LMNTD1: variants seen among roughly 807,000 people sequenced by gnomAD.
LMNTD1 encodes lamin tail domain containing 1.
Under a neutral mutation model 50.9 loss-of-function variants are expected in LMNTD1, and 35 were observed. That is an observed-to-expected ratio of 0.69 (90% CI 0.53 to 0.91). LMNTD1 has a LOEUF of 0.91. Ranked by LOEUF, LMNTD1 falls within the 40% of genes least tolerant of loss-of-function variation. The probability of loss-of-function intolerance (pLI) is 0.00; values close to 1 mark genes in which losing one functional copy is unlikely to be tolerated. For synonymous variants in LMNTD1, 153 were observed against 161.9 expected (o/e 0.94, Z 0.42); for missense variants, 470 against 475.5 (o/e 0.99, Z 0.11).
chr12:25,494,161 A>ACT (rs1375721808), intron 9 of LMNTD1, among the ~76,000 whole-genome samples: 2 of 152,002 alleles, frequency 1.3e-5, no homozygotes, highest in African/African-American at 4.8e-5. Context: ...TTCTGTCTGA[A>ACT]CTCTATTCAT....
intron 1 of LMNTD1, among the ~76,000 whole-genome samples, chr12:25,615,877 CT>C (rs1946343153): frequency 6.6e-6 from 1 of 152,068 alleles, no homozygotes; most frequent in Admixed American, 6.6e-5. Context: ...ATAAATTATT[CT>C]TTATTTCAGT....
intron 1 of LMNTD1, among the ~76,000 whole-genome samples, chr12:25,592,215 G>A (rs923114120): frequency 1.3e-5 from 2 of 152,184 alleles, no homozygotes; most frequent in Admixed American, 1.3e-4. Context: ...GTGGACAGGA[G>A]GCAGAACTAG....
In LMNTD1 at chr12:25,498,664, G is replaced by T. The variant is rs536368473; in HGVS notation, c.*22+5074C>A. Among the ~76,000 whole-genome samples the T allele has an allele frequency of 2.7e-4, 41 of 152,266 alleles. 2 individuals carry two copies. The East Asian group carries it at 4.8e-3, about 18-fold the overall frequency. ...TGTGCTGGTTTTGCTTTTGACCAATGTTTTTTTCTCAACTGCTTAGAAAAC... is the reference window on the plus strand; with the variant it reads ...TGTGCTGGTTTTGCTTTTGACCAATTTTTTTTTCTCAACTGCTTAGAAAAC... On this transcript the variant is annotated intron_variant, in intron 9 of 9. Coordinates refer to ENST00000458174, the MANE Select transcript of LMNTD1 (RefSeq NM_001145728.2).
At chr12:25,554,249 T>C (rs1382907774), upstream of LMNTD1, among the ~76,000 whole-genome samples, 1 of 152,258 alleles carries the variant, frequency 6.6e-6, no homozygotes, top group Non-Finnish European at 1.5e-5. Flanking sequence ...CCAGTCTCCC[T>C]ACCTGTACCA....
chr12:25,621,860 C>T (rs967776099), intron 1 of LMNTD1, among the ~76,000 whole-genome samples: 4 of 152,102 alleles, frequency 2.6e-5, no homozygotes, highest in African/African-American at 9.7e-5. Flanking sequence ...CGCTTTTATG[C>T]TGAATGAGAT....
intron 1 of LMNTD1, among the ~76,000 whole-genome samples, chr12:25,612,877 T>G (rs907053421): frequency 6.6e-6 from 1 of 152,124 alleles, no homozygotes; most frequent in Non-Finnish European, 1.5e-5. Flanking sequence ...GATCTTGAGG[T>G]AAGGTGATCT....
chr12:25,619,252 C>CTCTCTCTCTCTATATATA (rs1374134268), intron 1 of LMNTD1, among the ~76,000 whole-genome samples: 22 of 84,434 alleles, frequency 2.6e-4, no homozygotes, highest in African/African-American at 1.1e-3. Context: ...CTCTCTCTCT[C>CTCTCTCTCTCTATATATA]TATATATATA....
At chr12:25,522,525 C>A (rs1048247688) in intron 6 of LMNTD1, among the ~76,000 whole-genome samples, 15 of 152,130 alleles carry the variant, frequency 9.9e-5, no homozygotes, top group Non-Finnish European at 2.9e-5. Flanking sequence ...CATTACTTAT[C>A]ATGTGACCTT....
chr12:25,574,649 C>A (rs377560825), intron 1 of LMNTD1, among the ~76,000 whole-genome samples: 4 of 152,274 alleles, frequency 2.6e-5, no homozygotes, highest in East Asian at 3.9e-4. Context: ...GGCACACTTG[C>A]TATTCCGTCC....
chr12:25,618,925 A>T (rs1946403731), intron 1 of LMNTD1, among the ~76,000 whole-genome samples: 1 of 152,180 alleles, frequency 6.6e-6, no homozygotes, highest in African/African-American at 2.4e-5. Context: ...GAATGAGTGA[A>T]ATTCATCAAC....
At chr12:25,584,539 C>T (rs936115285) in intron 1 of LMNTD1, among the ~76,000 whole-genome samples, 8 of 152,190 alleles carry the variant, frequency 5.3e-5, no homozygotes, top group Non-Finnish European at 1.0e-4. Flanking sequence ...TATGCAGAAT[C>T]CAGGTTGCCA....
Position 25,519,038 on chromosome 12 carries a change from A to G in LMNTD1, c.1017-71T>C, listed in dbSNP as rs536139857. 1.1e-4 allele frequency: 155 copies of G among 1,393,324 alleles called. 1 individual carries two copies. The Middle Eastern group carries it at 1.6e-3, about 15-fold the overall frequency. 86.3% of individuals were successfully genotyped at this position (1,393,324 alleles called of 1,614,324 possible). On this transcript the variant is annotated intron_variant, in intron 7 of 9. Coordinates refer to ENST00000458174, the MANE Select transcript of LMNTD1 (RefSeq NM_001145728.2). The stretch of plus-strand genomic sequence containing the variant: ...CTGTGGTGTTAATGTTGAAGGCACA[A>G]TTAAAGGGGAAGCATATTTCAAAAC...
intron 8 of LMNTD1, among the ~76,000 whole-genome samples, chr12:25,505,746 CAATACAGT>C: frequency 6.6e-6 from 1 of 152,096 alleles, no homozygotes; most frequent in Non-Finnish European, 1.5e-5. Context: ...ATAAGTGGTC[CAATACAGT>C]AATGAGTTTT....
chr12:25,584,634 G>T (rs187736373), intron 1 of LMNTD1, among the ~76,000 whole-genome samples: 2 of 152,138 alleles, frequency 1.3e-5, no homozygotes, highest in South Asian at 4.1e-4. Context: ...GTAAAGAAAC[G>T]CATTTTAACA....
intron 1 of LMNTD1, among the ~76,000 whole-genome samples, chr12:25,573,056 A>G (rs1163812272): frequency 2.0e-5 from 3 of 151,694 alleles, no homozygotes; most frequent in Non-Finnish European, 4.4e-5. Context: ...CTGTTTGTCT[A>G]TATCGCTCTT....
chr12:25,627,989 T>C (rs1225350780), intron 1 of LMNTD1, among the ~76,000 whole-genome samples: 2 of 150,396 alleles, frequency 1.3e-5, no homozygotes, highest in East Asian at 3.9e-4. Flanking sequence ...GCGCCTGTAG[T>C]CCCAGCTACA....
At chr12:25,531,874 A>G (rs1266657511) in intron 4 of LMNTD1, among the ~76,000 whole-genome samples, 2 of 152,190 alleles carry the variant, frequency 1.3e-5, no homozygotes, top group African/African-American at 4.8e-5. Flanking sequence ...ATTCCAGTTC[A>G]GTGATTCTCT....
At chr12:25,594,995 T>C (rs565888959) in intron 1 of LMNTD1, among the ~76,000 whole-genome samples, 11 of 152,248 alleles carry the variant, frequency 7.2e-5, no homozygotes, top group South Asian at 4.1e-4. Context: ...AGGGACATTA[T>C]ATAATGATAA....
chr12:25,628,861 T>C (rs936875571), intron 1 of LMNTD1, among the ~76,000 whole-genome samples: 1 of 152,134 alleles, frequency 6.6e-6, no homozygotes, highest in African/African-American at 2.4e-5. Context: ...TCCAGAACTG[T>C]GGGAGAATAA....
Sources: allele counts gnomAD v4.1 joint callset (sites outside exome capture counted in the v4.1 genomes callset), GRCh38; gene constraint gnomAD v4.1.1; transcripts MANE v1.5; gene names NCBI Gene and HGNC (gene_info 2026-07-23, HGNC 2026-07-21).